Variants in NAV3 observed in about 807,000 individuals in gnomAD.
NAV3 encodes the protein pore membrane and/or filament interacting like protein 1.
In NAV3, 87 loss-of-function variants were observed where a neutral mutation model predicts 244.7. The ratio of observed to expected loss-of-function variants is 0.36; its 90% CI spans 0.30 to 0.42. NAV3 has a LOEUF of 0.42. Among genes scored for constraint, NAV3 ranks in the 20% least tolerant of loss-of-function variants. The probability of loss-of-function intolerance (pLI) is 1.00; values close to 1 mark genes in which losing one functional copy is unlikely to be tolerated. For missense variants in NAV3, 2,663 were observed against 2,893.3 expected, an observed-to-expected ratio of 0.92 and a Z score of 1.83; for synonymous variants, 1,126 against 1,042.2, an observed-to-expected ratio of 1.08 and a Z score of -1.55.
At chr12:77,847,263 G>T (rs1037544393) in intron 1 of NAV3, among the ~76,000 whole-genome samples, 3 of 152,120 alleles carry the variant, frequency 2.0e-5, no homozygotes, top group African/African-American at 7.2e-5. Context: ...GAGAATCTTC[G>T]ATTTCAAAAA....
chr12:77,677,375 A>G (rs894035579), intron 2 of NAV3, among the ~76,000 whole-genome samples: 5 of 152,254 alleles, frequency 3.3e-5, no homozygotes, highest in African/African-American at 1.2e-4. Flanking sequence ...CCCTGATGGT[A>G]GGGATGGCTC....
chr12:77,804,298 T>C (rs1871859036), intron 2 of NAV3, among the ~76,000 whole-genome samples: 1 of 152,212 alleles, frequency 6.6e-6, no homozygotes, highest in Non-Finnish European at 1.5e-5. Context: ...TGTTTAAGTC[T>C]TTAATCCATC....
At chr12:77,588,833 A>G (rs540841575) in intron 2 of NAV3, among the ~76,000 whole-genome samples, 1 of 152,222 alleles carries the variant, frequency 6.6e-6, no homozygotes, top group Admixed American at 6.5e-5. Context: ...GAGAGGAACA[A>G]AATTCTACAA....
At chr12:77,730,359 AG>A (rs1158160129) in intron 2 of NAV3, among the ~76,000 whole-genome samples, 8 of 151,968 alleles carry the variant, frequency 5.3e-5, no homozygotes, top group African/African-American at 1.9e-4. Flanking sequence ...GTGAACAAAA[AG>A]ATTTTTAGAA....
At chr12:77,920,629 A>G (rs1295158099) in intron 1 of NAV3, among the ~76,000 whole-genome samples, 1 of 152,052 alleles carries the variant, frequency 6.6e-6, no homozygotes, top group African/African-American at 2.4e-5. Context: ...AAACAGGTAC[A>G]AGCCTTTGAA....
intron 2 of NAV3, among the ~76,000 whole-genome samples, chr12:77,757,174 AAG>A (rs1264576993): frequency 6.6e-6 from 1 of 152,204 alleles, no homozygotes; most frequent in Non-Finnish European, 1.5e-5. Context: ...GGCAGATGGA[AAG>A]AGAGAAGTTG....
intron 2 of NAV3, among the ~76,000 whole-genome samples, chr12:77,653,822 CTG>C (rs1428568844): frequency 1.3e-5 from 2 of 152,082 alleles, no homozygotes; most frequent in Non-Finnish European, 2.9e-5. Flanking sequence ...CATTATAGCT[CTG>C]TACACATACA....
intron 18 of NAV3, among the ~76,000 whole-genome samples, chr12:78,136,180 C>G (rs1265942118): frequency 6.6e-6 from 1 of 152,186 alleles, no homozygotes; most frequent in Non-Finnish European, 1.5e-5. Flanking sequence ...CAACTCTAAG[C>G]CACTGACGGA....
intron 1 of NAV3, among the ~76,000 whole-genome samples, chr12:77,835,448 T>A (rs184345968): frequency 2.2e-4 from 34 of 152,340 alleles, no homozygotes; most frequent in Admixed American, 1.8e-3. Flanking sequence ...AATTTACATA[T>A]GACAGTGTCA....
chr12:77,662,227 G>A (rs2463256), intron 2 of NAV3, among the ~76,000 whole-genome samples: 12,510 of 146,022 alleles, frequency 0.086, 711 homozygotes, highest in African/African-American at 0.17. Context: ...ATATCTATCT[G>A]TCTATCTATC....
chr12:77,643,668 T>G (rs1872511491), intron 2 of NAV3, among the ~76,000 whole-genome samples: 1 of 151,878 alleles, frequency 6.6e-6, no homozygotes, highest in Admixed American at 6.6e-5. Context: ...TTATAAATTT[T>G]TATCCTATTT....
chr12:78,098,681 A>G (rs1402455293), intron 12 of NAV3, among the ~76,000 whole-genome samples: 2 of 151,672 alleles, frequency 1.3e-5, no homozygotes, highest in African/African-American at 4.8e-5. Context: ...AATTAAAAGG[A>G]AAAACAAAGA....
chr12:77,767,450 C>T (rs1490143836), intron 2 of NAV3, among the ~76,000 whole-genome samples: 1 of 152,170 alleles, frequency 6.6e-6, no homozygotes, highest in Non-Finnish European at 1.5e-5. Flanking sequence ...TGGTAGTCTG[C>T]ACTTGGCTAG....
At chr12:77,898,404 C>T (rs542541253) in intron 1 of NAV3, among the ~76,000 whole-genome samples, 32 of 151,916 alleles carry the variant, frequency 2.1e-4, no homozygotes, top group Non-Finnish European at 3.7e-4. Context: ...AATATATAGA[C>T]GCAAACAAAT....
At chr12:77,639,242 CTTCA>C (rs917001549) in intron 2 of NAV3, among the ~76,000 whole-genome samples, 3 of 152,062 alleles carry the variant, frequency 2.0e-5, no homozygotes, top group African/African-American at 7.2e-5. Context: ...CATGAATGTC[CTTCA>C]TTCATTAACT....
At chr12:78,177,429 G>C in intron 27 of NAV3, 116 bp downstream of exon 27, 9 of 1,225,484 alleles carry the variant, frequency 7.3e-6, no homozygotes, top group Non-Finnish European at 7.9e-6. Flanking sequence ...TTCTGAGAAT[G>C]ATGGACAGCA....
chr12:78,132,688 T>A (rs1227982986), intron 18 of NAV3, among the ~76,000 whole-genome samples: 1 of 152,168 alleles, frequency 6.6e-6, no homozygotes, highest in Non-Finnish European at 1.5e-5. Context: ...GACTTTTTTT[T>A]ATCCTAAACC....
chr12:77,960,798 C>T (rs1464443313), intron 3 of NAV3, among the ~76,000 whole-genome samples: 1 of 145,918 alleles, frequency 6.9e-6, no homozygotes, highest in Non-Finnish European at 1.5e-5. Flanking sequence ...ATATACAATA[C>T]ATATATGTAA....
chr12:77,648,806 G>A (rs559638019), intron 2 of NAV3, among the ~76,000 whole-genome samples: 4 of 152,182 alleles, frequency 2.6e-5, no homozygotes, highest in Non-Finnish European at 5.9e-5. Flanking sequence ...TTTGCCAGAA[G>A]ATTTCACTGG....
Sources: allele counts gnomAD v4.1 joint callset (sites outside exome capture counted in the v4.1 genomes callset), GRCh38; gene constraint gnomAD v4.1.1; transcripts MANE v1.5; gene names NCBI Gene and HGNC (gene_info 2026-07-23, HGNC 2026-07-21).